Variants in SH3BP4 observed in about 807,000 individuals in gnomAD.
SH3BP4 encodes the protein SH3 domain binding protein 4, also known as SH3 domain-binding protein 4.
A neutral mutation model predicts 65.5 loss-of-function variants in SH3BP4; 33 were observed. The observed-to-expected ratio is 0.50, with a 90% CI of 0.38 to 0.67. The LOEUF is 0.67. Among genes scored for constraint, SH3BP4 ranks in the 30% least tolerant of loss-of-function variants. The pLI is 0.00. For missense variants in SH3BP4, 1,134 were observed against 1,261.4 expected (o/e 0.90, Z 1.53); for synonymous variants, 552 against 545.5 (o/e 1.01, Z -0.17).
intron 2 of SH3BP4, among the ~76,000 whole-genome samples, chr2:235,016,701 G>T (rs545085257): frequency 6.6e-6 from 1 of 152,198 alleles, no homozygotes; most frequent in African/African-American, 2.4e-5. Context: ...ATTAGAGATG[G>T]GGTTTCACCA....
At chr2:235,027,637 C>A (rs1207129693) in intron 2 of SH3BP4, among the ~76,000 whole-genome samples, 1 of 152,180 alleles carries the variant, frequency 6.6e-6, no homozygotes, top group Non-Finnish European at 1.5e-5. Context: ...AAATTATCAT[C>A]AAACATGGAG....
At chr2:234,993,801 G>A (rs1463343849) in intron 1 of SH3BP4, among the ~76,000 whole-genome samples, 3 of 152,216 alleles carry the variant, frequency 2.0e-5, no homozygotes, top group Admixed American at 6.5e-5. Flanking sequence ...GACGGATGGC[G>A]GCGTCCTGCC....
In SH3BP4 at chr2:235,052,808, C is replaced by A; in HGVS notation, c.2667+58C>A. The A allele has an allele frequency of 1.4e-6, 2 of 1,456,514 alleles. No individual in the cohort carries two copies. The allele number at this position is 1,456,514 out of a possible 1,614,324, so 90.2% of individuals were successfully genotyped here. A position where few individuals can be genotyped will look rare whatever the true frequency, so the allele number is the denominator to read the frequency against. The stretch of plus-strand genomic sequence containing the variant: ...CCCCTCTGTCCCTGGGTTCCGTGGA[C>A]CCATGCAGTGCAGCCATAAAAAGTC... On this transcript the variant is annotated intron_variant, in intron 5 of 5. Coordinates refer to ENST00000392011, the MANE Select transcript of SH3BP4 (RefSeq NM_014521.3). This position sits in a 1 kb window ranked among gnomAD's most constrained non-coding sequence, Gnocchi z 5.0.
In SH3BP4 at chr2:234,997,685, G is replaced by T. The variant is rs1389499856; in HGVS notation, c.-133+2309G>T. ...TGATGGCTGGGAAGGGTGAGCTCCA[G>T]CCCCCGGTGGCTTGAACACCCTCTG... On this transcript the variant is annotated intron_variant, in intron 2 of 5. Coordinates refer to ENST00000392011, the MANE Select transcript of SH3BP4 (RefSeq NM_014521.3). The surrounding 1 kb of genome is among the most constrained non-coding windows in gnomAD (Gnocchi z 4.2). Among the ~76,000 whole-genome samples, 1 of 152,200 alleles carries T rather than the reference G, an allele frequency of 6.6e-6. No individual in the cohort carries two copies. Among genetic ancestry groups the T allele is most frequent in the Non-Finnish European group, 1.5e-5 (1 of 68,034 alleles).
intron 2 of SH3BP4, among the ~76,000 whole-genome samples, chr2:235,027,404 G>T (rs1319421112): frequency 6.6e-6 from 1 of 151,796 alleles, no homozygotes; most frequent in Admixed American, 6.6e-5. Flanking sequence ...TCGGGGTGCT[G>T]GGTGTCAGGC....
intron 2 of SH3BP4, among the ~76,000 whole-genome samples, chr2:235,004,542 CT>C (rs1694233731): frequency 1.3e-5 from 2 of 152,232 alleles, no homozygotes; most frequent in Non-Finnish European, 2.9e-5. Context: ...CTTCCCGCCC[CT>C]GACAACCACT....
At chr2:234,986,587 G>A (rs950256808) in intron 1 of SH3BP4, among the ~76,000 whole-genome samples, 1 of 151,944 alleles carries the variant, frequency 6.6e-6, no homozygotes, top group African/African-American at 2.4e-5. Context: ...TGTGTTTGTC[G>A]TTACTCTGCA....
At chr2:235,050,416 C>G (rs1696011408) in intron 4 of SH3BP4, among the ~76,000 whole-genome samples, 1 of 152,176 alleles carries the variant, frequency 6.6e-6, no homozygotes, top group African/African-American at 2.4e-5. Context: ...CGCTCCTGGC[C>G]TAGCCCTGGG....
chr2:234,998,647 C>T (rs539364204), intron 2 of SH3BP4, among the ~76,000 whole-genome samples: 1 of 152,378 alleles, frequency 6.6e-6, no homozygotes, highest in South Asian at 2.1e-4. Flanking sequence ...TCACCACCGC[C>T]TCTCTCTCGT....
rs187816291 is a variant in SH3BP4 at position 235,020,014 on chromosome 2, C to A, written c.-132-14857C>A. Reference sequence around the variant, plus strand: ...GAAACTCAAGCTGGAGCTTGTGGACCCCCCGAGGGAGAGCCACCGAATCTA... The same window carrying A: ...GAAACTCAAGCTGGAGCTTGTGGACACCCCGAGGGAGAGCCACCGAATCTA... On this transcript the variant is annotated intron_variant, in intron 2 of 5. Coordinates refer to ENST00000392011, the MANE Select transcript of SH3BP4 (RefSeq NM_014521.3). Among the ~76,000 whole-genome samples, 25 of 152,026 alleles carry A rather than the reference C, an allele frequency of 1.6e-4. 1 individual carries two copies. Among genetic ancestry groups the A allele is most frequent in the Admixed American group, 1.6e-3 (24 of 15,280 alleles).
intron 2 of SH3BP4, among the ~76,000 whole-genome samples, chr2:235,017,077 A>G (rs1449925454): frequency 1.9e-5 from 2 of 105,834 alleles, no homozygotes; most frequent in African/African-American, 3.9e-5. Flanking sequence ...TTTGGTATAT[A>G]GCCTTCTCAT....
intron 1 of SH3BP4, among the ~76,000 whole-genome samples, chr2:234,994,162 C>T (rs1428910025): frequency 6.6e-6 from 1 of 152,144 alleles, no homozygotes; most frequent in Non-Finnish European, 1.5e-5. Flanking sequence ...CCACACCCTT[C>T]TATTGATCTG....
At chr2:235,027,387 C>G (rs1158652611) in intron 2 of SH3BP4, among the ~76,000 whole-genome samples, 1 of 140,666 alleles carries the variant, frequency 7.1e-6, no homozygotes, top group African/African-American at 2.5e-5. Context: ...GCAACGGGGT[C>G]CAAAGCTCGG....
At chr2:235,003,440 A>G (rs1453754036) in intron 2 of SH3BP4, among the ~76,000 whole-genome samples, 1 of 152,250 alleles carries the variant, frequency 6.6e-6, no homozygotes, top group Non-Finnish European at 1.5e-5. Context: ...AGGTCGGGGC[A>G]TGAGAGCAGA....
chr2:234,984,893 G>A (rs1156947825), intron 1 of SH3BP4, among the ~76,000 whole-genome samples: 1 of 152,124 alleles, frequency 6.6e-6, no homozygotes, highest in Non-Finnish European at 1.5e-5. Flanking sequence ...AAAGCTAATC[G>A]GGGGTCAGCT....
chr2:235,005,349 C>T (rs1047672661), intron 2 of SH3BP4, among the ~76,000 whole-genome samples: 1 of 151,974 alleles, frequency 6.6e-6, no homozygotes, highest in Non-Finnish European at 1.5e-5. Flanking sequence ...GTCAGGGGAG[C>T]CCCTCGCCTG....
intron 2 of SH3BP4, among the ~76,000 whole-genome samples, chr2:235,002,335 A>T (rs1694129317): frequency 6.6e-6 from 1 of 152,174 alleles, no homozygotes; most frequent in Non-Finnish European, 1.5e-5. Flanking sequence ...TGGGTTTGTT[A>T]TGTTGCGTAA....
chr2:234,988,444 C>T (rs1217311165), intron 1 of SH3BP4, among the ~76,000 whole-genome samples: 1 of 152,202 alleles, frequency 6.6e-6, no homozygotes, highest in Non-Finnish European at 1.5e-5. Flanking sequence ...GCCCTTGTCT[C>T]ACCCCTGGCC....
intron 4 of SH3BP4, among the ~76,000 whole-genome samples, chr2:235,047,420 A>C (rs1695900057): frequency 6.6e-6 from 1 of 152,192 alleles, no homozygotes; most frequent in African/African-American, 2.4e-5. Context: ...CTGGCCAGAA[A>C]CACTGCGTGG....
Sources: gnomAD v4.1 joint callset for allele counts (sites outside exome capture counted in the v4.1 genomes callset) on GRCh38, gnomAD v4.1.1 for gene constraint, Gnocchi (gnomAD v3.1) non-coding constraint, MANE v1.5 for transcripts, NCBI Gene and HGNC (gene_info 2026-07-23, HGNC 2026-07-21) for gene names.